The following TRIM66 variants were observed in gnomAD, a reference collection of about 807,000 sequenced individuals.
TRIM66 encodes tripartite motif-containing protein 66.
TRIM66 carries 99 observed loss-of-function variants against 148.2 expected under a neutral mutation model. That is an observed-to-expected ratio of 0.67 (90% CI 0.57 to 0.79). TRIM66 has a LOEUF of 0.79. Among genes scored for constraint, TRIM66 ranks in the 30% least tolerant of loss-of-function variants. The pLI, the probability that TRIM66 is intolerant of heterozygous loss-of-function variation, is 0.00. For missense variants in TRIM66, 1,666 were observed against 1,697.9 expected (o/e 0.98, Z 0.33); for synonymous variants, 616 against 635.9 (o/e 0.97, Z 0.47).
rs564894578 is a variant in TRIM66 at position 8,635,969 on chromosome 11, T to C, written c.2310+2685A>G. On this transcript the variant is annotated intron_variant, in intron 15 of 24. Coordinates refer to ENST00000646038, the MANE Select transcript of TRIM66 (RefSeq NM_001388022.1). ...ACTGAGCACTGGCAATGAAACCACC[T>C]TTGCAAAAATTATATCAATGAGCAA... Among the ~76,000 whole-genome samples the C allele has an allele frequency of 1.5e-4, 23 of 152,302 alleles. No individual in the cohort carries two copies. The East Asian group carries it at 4.4e-3, about 29-fold the overall frequency.
At chr11:8,653,475 TTC>T (rs1291443648) in intron 6 of TRIM66, among the ~76,000 whole-genome samples, 1 of 152,102 alleles carries the variant, frequency 6.6e-6, no homozygotes, top group Non-Finnish European at 1.5e-5. Context: ...GCAGAGAAAG[TTC>T]TCAGTTGTCT....
intron 3 of TRIM66, among the ~76,000 whole-genome samples, chr11:8,676,935 T>C (rs2039205811): frequency 6.6e-6 from 1 of 152,240 alleles, no homozygotes; most frequent in African/African-American, 2.4e-5. Flanking sequence ...CAGGAAATTA[T>C]TTTTATTTAC....
Position 8,638,797 on chromosome 11 carries a change from C to A in TRIM66, c.2167G>T (p.Ala723Ser). 1 of 1,551,310 alleles carries A rather than the reference C, an allele frequency of 6.4e-7. No individual in the cohort carries two copies. Among genetic ancestry groups the A allele is most frequent in the Non-Finnish European group, 8.7e-7 (1 of 1,146,876 alleles). The change falls in exon 15 of 25, where the codon GCA becomes TCA. Residue 723 changes from alanine (A) to serine (S), a missense_variant. Around this residue, in one of 3 missense-constraint regions of TRIM66, gnomAD observed 1,431 missense variants for 1,412.4 expected, o/e 1.01. Transcript: ENST00000646038. ...AGAGCCGGCTTTGAGCCCTGAGATG[C>A]TGGGGGCTCATCTGTAGCCTGGAGA... ...ETLQATDEPPASQGSKPALPL... is the reference protein window; with the variant it reads ...ETLQATDEPPSSQGSKPALPL...
At chr11:8,641,886 C>T (rs116014302) in intron 13 of TRIM66, among the ~76,000 whole-genome samples, 2,346 of 152,222 alleles carry the variant, frequency 0.015, 69 homozygotes, top group African/African-American at 0.054. Context: ...ATGTGATGTG[C>T]GTCTTCACCT....
chr11:8,619,623 T>C lies in TRIM66; in HGVS notation c.3748-88A>G, dbSNP rs1190035782. On this transcript the variant is annotated intron_variant, in intron 22 of 24. Coordinates refer to ENST00000646038, the MANE Select transcript of TRIM66 (RefSeq NM_001388022.1). The stretch of plus-strand genomic sequence containing the variant: ...ATAAGAAGGAAGAAGAAATGGAAAA[T>C]GAGGTGAAATATAAGTGAAAGAATA... 3.2e-6 allele frequency: 4 copies of C among 1,247,462 alleles called. No homozygotes were observed. The African/African-American group carries it at 4.6e-5, about 14-fold the overall frequency. The allele number at this position is 1,247,462 out of a possible 1,614,324, so 77.3% of individuals were successfully genotyped here.
intron 15 of TRIM66, among the ~76,000 whole-genome samples, chr11:8,635,593 TGAG>T (rs1249741994): frequency 6.6e-6 from 1 of 152,156 alleles, no homozygotes; most frequent in African/African-American, 2.4e-5. Context: ...ATGACAAACT[TGAG>T]GGTCCTTTTT....
At chr11:8,675,305 A>T (rs2039124061) in intron 3 of TRIM66, among the ~76,000 whole-genome samples, 2 of 152,254 alleles carry the variant, frequency 1.3e-5, no homozygotes, top group South Asian at 4.1e-4. Flanking sequence ...GAATTTTATC[A>T]TTGGCAACAA....
intron 17 of TRIM66, 102 bp from the exon 18 acceptor site, chr11:8,622,978 A>C: frequency 3.9e-6 from 4 of 1,020,118 alleles, no homozygotes; most frequent in Non-Finnish European, 6.0e-6. Context: ...CTTTGGCCAC[A>C]CATCTGTCAT....
rs111644935 is a variant in TRIM66 at position 8,647,853 on chromosome 11, C to A, written c.842+117G>T. 6.3e-6 allele frequency: 5 copies of A among 798,372 alleles called. No homozygotes were observed. The African/African-American group carries it at 6.8e-5, about 11-fold the overall frequency. 49.5% of individuals were successfully genotyped at this position (798,372 alleles called of 1,614,324 possible). A position where few individuals can be genotyped will look rare whatever the true frequency, so the allele number is the denominator to read the frequency against. On this transcript the variant is annotated intron_variant, in intron 10 of 24. Coordinates refer to ENST00000646038, the MANE Select transcript of TRIM66 (RefSeq NM_001388022.1). The stretch of plus-strand genomic sequence containing the variant: ...ATATGCCTTCTAGGACATATGCCCA[C>A]ATCTGCTTAACCACAGTTCCTCTTC...
intron 6 of TRIM66, among the ~76,000 whole-genome samples, chr11:8,666,344 A>C (rs1156659756): frequency 1.5e-5 from 2 of 132,760 alleles, no homozygotes; most frequent in Non-Finnish European, 3.0e-5. Flanking sequence ...CGCCTCAGAA[A>C]AAAAAAAAAA....
chr11:8,618,971 G>A lies in TRIM66; in HGVS notation c.3901-3C>T. On this transcript the variant is annotated splice_polypyrimidine_tract_variant and splice_region_variant and intron_variant, in intron 23 of 24. Transcript: ENST00000646038. ...GCCTCTGCAACCTCGGAGTCAGGCT[G>A]ATGGGGGAGGAGAGCAGTGATGGTC... 6.4e-7 allele frequency: 1 copy of A among 1,551,214 alleles called. No homozygotes were observed. The highest frequency in any genetic ancestry group is 8.7e-7 in the Non-Finnish European group (1 of 1,146,744).
chr11:8,621,180 G>A lies in TRIM66; in HGVS notation c.3397C>T (p.Pro1133Ser). 1 of 1,551,692 alleles carries A rather than the reference G, an allele frequency of 6.4e-7. No homozygotes were observed. Among genetic ancestry groups the A allele is most frequent in the Non-Finnish European group, 8.7e-7 (1 of 1,146,982 alleles). ...PEEHRLIPRT[P>S]GAKKGPPAPI... ...GCTGGGGGGCCCTTCTTGGCTCCTG[G>A]GGTTCGAGGAATGAGTCTGTGTTCT... The change falls in exon 20 of 25, where the codon CCA (proline) becomes TCA (serine). Residue 1133 changes from proline (P) to serine (S), a missense_variant. This residue lies in a region of TRIM66 where 1,431 missense variants were observed against 1,412.4 expected (regional missense o/e 1.01). Coordinates refer to ENST00000646038, the MANE Select transcript of TRIM66 (RefSeq NM_001388022.1).
At chr11:8,656,068 C>T (rs376326437) in intron 6 of TRIM66, among the ~76,000 whole-genome samples, 1 of 152,200 alleles carries the variant, frequency 6.6e-6, no homozygotes, top group African/African-American at 2.4e-5. Flanking sequence ...TGTGTCACAA[C>T]ACCTTTGTCC....
At chr11:8,648,167 G>C (rs2037036086) in intron 9 of TRIM66, 81 bp from the exon 10 acceptor site, 7 of 1,304,844 alleles carry the variant, frequency 5.4e-6, no homozygotes, top group Non-Finnish European at 6.5e-6. Flanking sequence ...TCTCCACAGG[G>C]AACTGTCTCA....
intron 15 of TRIM66, among the ~76,000 whole-genome samples, chr11:8,626,172 G>A (rs1403861315): frequency 6.6e-6 from 1 of 152,142 alleles, no homozygotes; most frequent in African/African-American, 2.4e-5. Context: ...GAAAAGGAGG[G>A]AGACTGGCTC....
At chr11:8,637,415 A>G (rs2035978299) in intron 15 of TRIM66, among the ~76,000 whole-genome samples, 1 of 152,186 alleles carries the variant, frequency 6.6e-6, no homozygotes, top group African/African-American at 2.4e-5. Context: ...ACAAGAAGTT[A>G]AACATCTAAG....
In TRIM66 at chr11:8,648,947, G is replaced by T. The variant is rs574823787; in HGVS notation, c.593-399C>A. Among the ~76,000 whole-genome samples, 14 of 152,332 alleles carry T rather than the reference G, an allele frequency of 9.2e-5. No individual in the cohort carries two copies. The South Asian group carries it at 2.9e-3, about 32-fold the overall frequency. ...CTTGCCAGGCTCCAGGCTAGATCAC[G>T]TGGATCATGAACTCTGGTTCCTGTG... On this transcript the variant is annotated intron_variant, in intron 8 of 24. Coordinates refer to ENST00000646038, the MANE Select transcript of TRIM66 (RefSeq NM_001388022.1).
upstream of TRIM66, chr11:8,682,852 G>C: frequency 6.2e-7 from 1 of 1,604,422 alleles, no homozygotes; most frequent in Non-Finnish European, 8.5e-7. Flanking sequence ...CTTCCTTGCC[G>C]GCGGAGACCC....
Position 8,632,586 on chromosome 11 carries a change from T to C in TRIM66, c.2310+6068A>G, listed in dbSNP as rs1470529846. The stretch of plus-strand genomic sequence containing the variant: ...GATTCTCCTGCCTCAGCCTCCCAAG[T>C]AGCTGGGATTATAGGTGTCCACCAC... On this transcript the variant is annotated intron_variant, in intron 15 of 24. Coordinates refer to ENST00000646038, the MANE Select transcript of TRIM66 (RefSeq NM_001388022.1). 4.6e-5 allele frequency among the ~76,000 whole-genome samples: 7 copies of C among 151,592 alleles called. No homozygotes were observed. The East Asian group carries it at 1.4e-3, about 30-fold the overall frequency.
Sources: gnomAD v4.1 joint callset for allele counts (sites outside exome capture counted in the v4.1 genomes callset) on GRCh38, gnomAD v4.1.1 for gene constraint, gnomAD v4.1.1 regional missense constraint, MANE v1.5 for transcripts, NCBI Gene and HGNC (gene_info 2026-07-23, HGNC 2026-07-21) for gene names.